Variants in NUP155 observed in about 807,000 individuals in gnomAD.
NUP155 encodes nucleoporin 155.
Under a neutral mutation model 180.4 loss-of-function variants are expected in NUP155, and 71 were observed. The ratio of observed to expected loss-of-function variants is 0.39; its 90% CI spans 0.33 to 0.48. NUP155 has a LOEUF of 0.48. Among genes scored for constraint, NUP155 ranks in the 20% least tolerant of loss-of-function variants. The pLI, the probability that NUP155 is intolerant of heterozygous loss-of-function variation, is 0.91. For synonymous variants in NUP155, 582 were observed against 559.5 expected (o/e 1.04, Z -0.57); for missense variants, 1,553 against 1,648.9 (o/e 0.94, Z 1.01).
intron 12 of NUP155, among the ~76,000 whole-genome samples, 170 bp from the exon 13 acceptor site, chr5:37,333,803 T>C (rs1178616420): frequency 6.6e-6 from 1 of 151,998 alleles, no homozygotes; most frequent in Non-Finnish European, 1.5e-5. Context: ...AGGTATTTTC[T>C]GGGTTTTTGT....
At chr5:37,352,887 A>C in intron 4 of NUP155, 58 bp from the exon 5 acceptor site, 1 of 1,177,562 alleles carries the variant, frequency 8.5e-7, no homozygotes, top group South Asian at 1.2e-5. Flanking sequence ...CTAACAGAGT[A>C]AGCTTTTATT....
chr5:37,310,045 A>C (rs568427903), intron 23 of NUP155, among the ~76,000 whole-genome samples: 30 of 152,136 alleles, frequency 2.0e-4, no homozygotes, highest in African/African-American at 7.2e-4. Context: ...CTTTATGAAA[A>C]ACTTAAAGGA....
At chr5:37,367,293 C>A (rs1008873801) in intron 1 of NUP155, among the ~76,000 whole-genome samples, 4 of 151,222 alleles carry the variant, frequency 2.6e-5, no homozygotes, top group Admixed American at 2.0e-4. Flanking sequence ...CGGCTCACTG[C>A]AACCTCTGCC....
chr5:37,292,317 G>A (rs1261091456), intron 34 of NUP155, among the ~76,000 whole-genome samples: 5 of 151,674 alleles, frequency 3.3e-5, no homozygotes, highest in Admixed American at 6.6e-5. Flanking sequence ...CTGGGTTCAC[G>A]CCATTCTCCT....
rs1419142826 is a variant in NUP155, at chr5:37,318,010, C to T, written c.2283G>A (p.Gln761=). Residue 761 remains glutamine (Q), a synonymous_variant, in exon 21 of 35, where the codon CAG becomes CAA. Transcript: ENST00000231498. The part of the protein sequence containing the change: ...PENGNPQQMQ[Q]ELQRKFHEAQ... ...TACCATGAAACTTCCTCTGCAGTTC[C>T]TGTTGCATTTGCTGGGGATTTCCGT... is the stretch of plus-strand genomic sequence containing the variant. 1.2e-6 allele frequency: 2 copies of T among 1,607,816 alleles called. No homozygotes were observed. The highest frequency in any genetic ancestry group is 4.5e-5 in the East Asian group (2 of 44,858).
Position 37,291,172 on chromosome 5 carries a change from TCA to T in NUP155, c.*726_*727del, listed in dbSNP as rs1254400094. On this transcript the variant is annotated 3_prime_UTR_variant, in exon 35 of 35. Coordinates refer to ENST00000231498, the MANE Select transcript of NUP155 (RefSeq NM_153485.3). ...ACACCTAAAAAAAGTTTTGAAAAAGTCAGTTATTTGCCTATTTAAGGACGGTT... is the reference window on the plus strand; with the variant it reads ...ACACCTAAAAAAAGTTTTGAAAAAGTGTTATTTGCCTATTTAAGGACGGTT... The T allele has an allele frequency of 6.6e-6, 1 of 152,192 alleles. No homozygotes were observed. Among genetic ancestry groups the T allele is most frequent in the East Asian group, 1.9e-4 (1 of 5,196 alleles). The allele number at this position is 152,192 out of a possible 1,614,324, so 9.4% of individuals were successfully genotyped here.
intron 16 of NUP155, 96 bp from the exon 17 acceptor site, chr5:37,328,516 T>G: frequency 1.1e-6 from 1 of 929,114 alleles, no homozygotes. Context: ...TCCTTTTTCT[T>G]TTTTTGAGGC....
intron 21 of NUP155, among the ~76,000 whole-genome samples, chr5:37,316,527 C>T (rs992685425): frequency 9.9e-5 from 15 of 152,110 alleles, no homozygotes; most frequent in Non-Finnish European, 1.9e-4. Context: ...TGCAATGGCA[C>T]AAATTCGGCT....
intron 28 of NUP155, 60 bp downstream of exon 28, chr5:37,303,200 A>C (rs1022720711): frequency 7.0e-6 from 11 of 1,567,500 alleles, no homozygotes; most frequent in Non-Finnish European, 9.6e-6. Flanking sequence ...AGAAAACTGA[A>C]TGTAAGTACA....
intron 22 of NUP155, among the ~76,000 whole-genome samples, chr5:37,310,987 G>C (rs1182241072): frequency 6.6e-6 from 1 of 152,122 alleles, no homozygotes; most frequent in Non-Finnish European, 1.5e-5. Flanking sequence ...TAAAGCTTAA[G>C]TAGAGCCAAA....
chr5:37,332,168 C>CA (rs11305356), intron 13 of NUP155, among the ~76,000 whole-genome samples: 12,454 of 99,804 alleles, frequency 0.12, 715 homozygotes, highest in South Asian at 0.17. Flanking sequence ...TCAATTTAGG[C>CA]AAAAAAAAAA....
chr5:37,337,991 G>C, intron 11 of NUP155, 73 bp from the exon 12 acceptor site: 1 of 975,920 alleles, frequency 1.0e-6, no homozygotes, highest in Non-Finnish European at 1.6e-6. Context: ...ATAATTATTA[G>C]GTTAGTGCAA....
At chr5:37,328,847 T>C (rs1267548464) in intron 16 of NUP155, among the ~76,000 whole-genome samples, 1 of 152,168 alleles carries the variant, frequency 6.6e-6, no homozygotes, top group Non-Finnish European at 1.5e-5. Flanking sequence ...TTGTCCACGA[T>C]ATATGCAAGA....
Position 37,325,972 on chromosome 5 carries a change from A to G in NUP155, c.2025-5T>C, listed in dbSNP as rs759498465. The G allele has an allele frequency of 2.2e-5, 32 of 1,467,090 alleles. No homozygotes were observed. The highest frequency in any genetic ancestry group is 2.6e-5 in the Non-Finnish European group (28 of 1,067,452). The allele number at this position is 1,467,090 out of a possible 1,614,324, so 90.9% of individuals were successfully genotyped here. ...AAGCTTGCATCCCAAATGTTTCTGG[A>G]AAAAAAAAAGTTTTAATGATTGTGC... On this transcript the variant is annotated splice_region_variant and splice_polypyrimidine_tract_variant and intron_variant, in intron 18 of 34. Transcript: ENST00000231498.
chr5:37,322,238 T>C lies in NUP155; in HGVS notation c.2207+1754A>G, dbSNP rs573389946. 2.7e-3 allele frequency among the ~76,000 whole-genome samples: 417 copies of C among 152,276 alleles called. 1 individual carries two copies. Among genetic ancestry groups the C allele is most frequent in the African/African-American group, 9.6e-3 (401 of 41,572 alleles). On this transcript the variant is annotated intron_variant, in intron 20 of 34. Coordinates refer to ENST00000231498, the MANE Select transcript of NUP155 (RefSeq NM_153485.3). Reference sequence around the variant, plus strand: ...CTGGCTTCAAGCAATCCTCCTGCCTTGGCTTTCCAAAGTGTTGGGATTATA... The same window carrying C: ...CTGGCTTCAAGCAATCCTCCTGCCTCGGCTTTCCAAAGTGTTGGGATTATA...
Position 37,351,250 on chromosome 5 carries a change from A to G in NUP155, c.663T>C (p.Thr221=). The G allele has an allele frequency of 6.2e-7, 1 of 1,613,824 alleles. No individual in the cohort carries two copies. Among genetic ancestry groups the G allele is most frequent in the Non-Finnish European group, 8.5e-7 (1 of 1,179,782 alleles). Residue 221 remains threonine, a synonymous_variant, in exon 6 of 35, where the codon ACT becomes ACC. Coordinates refer to ENST00000231498, the MANE Select transcript of NUP155 (RefSeq NM_153485.3). ...CAGCCAAGAAAATTCTGCCATTATC[A>G]GTGGAAGTTATTGTTAAAAGGTAAG... ...DNTYLLTITS[T]DNGRIFLAGK...
At chr5:37,341,549 A>AT (rs369508697) in intron 10 of NUP155, among the ~76,000 whole-genome samples, 56 of 148,436 alleles carry the variant, frequency 3.8e-4, no homozygotes, top group East Asian at 2.6e-3. Flanking sequence ...TTTTATTTTT[A>AT]TTTTTTTTTG....
At chr5:37,322,198 G>A (rs1295977592) in intron 20 of NUP155, among the ~76,000 whole-genome samples, 2 of 152,064 alleles carry the variant, frequency 1.3e-5, no homozygotes, top group African/African-American at 4.8e-5. Context: ...TATTGCCCAG[G>A]CTGGTCTCGA....
chr5:37,326,942 T>A (rs938793167), intron 18 of NUP155, among the ~76,000 whole-genome samples: 1 of 152,152 alleles, frequency 6.6e-6, no homozygotes, highest in African/African-American at 2.4e-5. Flanking sequence ...CCCCAGCACA[T>A]CAAAACCAAC....
Sources: allele counts gnomAD v4.1 joint callset (sites outside exome capture counted in the v4.1 genomes callset), GRCh38; gene constraint gnomAD v4.1.1; transcripts MANE v1.5; gene names NCBI Gene and HGNC (gene_info 2026-07-23, HGNC 2026-07-21).